Variants in BABAM2 observed in about 807,000 individuals in gnomAD.
The protein encoded by BABAM2 is BRISC and BRCA1-A complex member 2.
A neutral mutation model predicts 54.7 loss-of-function variants in BABAM2; 31 were observed. The ratio of observed to expected loss-of-function variants is 0.57; its 90% CI spans 0.43 to 0.77. BABAM2 has a LOEUF of 0.77. Ranked by LOEUF, BABAM2 falls within the 30% of genes least tolerant of loss-of-function variation. The pLI, the probability that BABAM2 is intolerant of heterozygous loss-of-function variation, is 0.00. For synonymous variants in BABAM2, 167 were observed against 162.9 expected (o/e 1.03, Z -0.19); for missense variants, 364 against 455.8 (o/e 0.80, Z 1.83).
At chr2:27,902,737 T>G (rs1665885211) in intron 2 of BABAM2, among the ~76,000 whole-genome samples, 1 of 152,236 alleles carries the variant, frequency 6.6e-6, no homozygotes. Context: ...TTTTGGATAC[T>G]GATCTTTTGG....
chr2:27,987,471 G>A (rs1424215497), intron 3 of BABAM2, among the ~76,000 whole-genome samples: 3 of 152,058 alleles, frequency 2.0e-5, no homozygotes, highest in African/African-American at 7.3e-5. Flanking sequence ...CATTCACAGT[G>A]TACTTGGAGA....
intron 6 of BABAM2, among the ~76,000 whole-genome samples, chr2:28,071,714 GCTT>G (rs1411871469): frequency 2.0e-5 from 3 of 152,202 alleles, no homozygotes; most frequent in Admixed American, 1.3e-4. Flanking sequence ...CAGGATAAAT[GCTT>G]CTTCTATTTA....
At chr2:28,261,620 G>A (rs1186022749) in intron 10 of BABAM2, among the ~76,000 whole-genome samples, 1 of 152,128 alleles carries the variant, frequency 6.6e-6, no homozygotes, top group Non-Finnish European at 1.5e-5. Context: ...TTACAGGCGT[G>A]AGCCACCGCG....
intron 7 of BABAM2, among the ~76,000 whole-genome samples, chr2:28,143,337 G>C (rs1671225648): frequency 2.0e-5 from 3 of 152,002 alleles, no homozygotes; most frequent in Non-Finnish European, 4.4e-5. Flanking sequence ...GTGGTTACCA[G>C]GGGTGGGGAA....
At chr2:28,330,173 G>T (rs1690826577) in intron 11 of BABAM2, among the ~76,000 whole-genome samples, 1 of 152,204 alleles carries the variant, frequency 6.6e-6, no homozygotes, top group East Asian at 1.9e-4. Flanking sequence ...GGTATTGGTG[G>T]AACATACCTC....
intron 7 of BABAM2, among the ~76,000 whole-genome samples, chr2:28,203,030 G>A (rs1678450925): frequency 6.6e-6 from 1 of 152,238 alleles, no homozygotes; most frequent in South Asian, 2.1e-4. Flanking sequence ...TGTGTGTAGG[G>A]TAAGAATGTG....
chr2:27,929,821 AT>A lies in BABAM2; in HGVS notation c.129-5del. 1 of 1,611,478 alleles carries A rather than the reference AT, an allele frequency of 6.2e-7. No individual in the cohort carries two copies. Among genetic ancestry groups the A allele is most frequent in the African/African-American group, 1.3e-5 (1 of 74,854 alleles). On this transcript the variant is annotated splice_polypyrimidine_tract_variant and intron_variant, in intron 2 of 11. Transcript: ENST00000379624. Reference sequence around the variant, plus strand: ...AATCTTTTCTTTCTTCTGTTTCTGCATTTTTTAAAGCTGCACATCATTGACT... The same window carrying A: ...AATCTTTTCTTTCTTCTGTTTCTGCATTTTTAAAGCTGCACATCATTGACT...
At chr2:28,337,415 C>T (rs1166852826) in intron 11 of BABAM2, among the ~76,000 whole-genome samples, 10 of 152,236 alleles carry the variant, frequency 6.6e-5, no homozygotes, top group Non-Finnish European at 1.2e-4. Context: ...TTCTCCCACA[C>T]GGCGTGATCC....
At chr2:28,134,192 T>G (rs1573652150) in intron 7 of BABAM2, among the ~76,000 whole-genome samples, 6 of 83,384 alleles carry the variant, frequency 7.2e-5, no homozygotes, top group South Asian at 3.9e-4. Context: ...AAAAAGTCAA[T>G]GGTGAGTTAT....
At chr2:28,249,305 T>C (rs1683213481) in intron 10 of BABAM2, among the ~76,000 whole-genome samples, 1 of 152,058 alleles carries the variant, frequency 6.6e-6, no homozygotes, top group Non-Finnish European at 1.5e-5. Flanking sequence ...CCCAGGCTGA[T>C]CTTGAACTCC....
intron 5 of BABAM2, among the ~76,000 whole-genome samples, chr2:28,036,985 A>C (rs1170088048): frequency 6.6e-6 from 1 of 152,232 alleles, no homozygotes; most frequent in Non-Finnish European, 1.5e-5. Context: ...GTATGTGCTC[A>C]GTAAATATTT....
At chr2:28,278,983 G>A (rs1458927436) in intron 10 of BABAM2, among the ~76,000 whole-genome samples, 1 of 152,214 alleles carries the variant, frequency 6.6e-6, no homozygotes, top group African/African-American at 2.4e-5. Flanking sequence ...TCACAGTGAA[G>A]GTGAGCCCGT....
chr2:27,927,544 A>G (rs1238897538), intron 2 of BABAM2, among the ~76,000 whole-genome samples: 1 of 152,200 alleles, frequency 6.6e-6, no homozygotes, highest in African/African-American at 2.4e-5. Flanking sequence ...TAATGCTAGA[A>G]TTTATGTGTT....
intron 11 of BABAM2, among the ~76,000 whole-genome samples, chr2:28,324,981 C>T (rs549281162): frequency 6.6e-6 from 1 of 152,226 alleles, no homozygotes; most frequent in East Asian, 1.9e-4. Flanking sequence ...TTTCCTTATA[C>T]TCATGGCTTC....
At chr2:28,134,452 T>G (rs1443036080) in intron 7 of BABAM2, 1 of 152,248 alleles carries the variant, frequency 6.6e-6, no homozygotes, top group African/African-American at 2.4e-5. Flanking sequence ...ATAGCACTCT[T>G]CCACGAAAGG....
At chr2:28,257,196 T>G (rs929791482) in intron 10 of BABAM2, among the ~76,000 whole-genome samples, 10 of 152,236 alleles carry the variant, frequency 6.6e-5, no homozygotes, top group African/African-American at 2.4e-4. Context: ...TTTTCCCATC[T>G]TTTTTGAGGT....
intron 3 of BABAM2, among the ~76,000 whole-genome samples, chr2:27,979,707 G>T (rs1361647017): frequency 6.6e-6 from 1 of 152,108 alleles, no homozygotes; most frequent in Admixed American, 6.5e-5. Context: ...TTTCTCTAAT[G>T]ATTAGTGATT....
At chr2:27,984,974 T>G (rs1225291802) in intron 3 of BABAM2, among the ~76,000 whole-genome samples, 2 of 152,046 alleles carry the variant, frequency 1.3e-5, no homozygotes, top group Non-Finnish European at 1.5e-5. Context: ...GTTACTTCAC[T>G]TAGAATAATC....
intron 6 of BABAM2, among the ~76,000 whole-genome samples, chr2:28,047,267 T>A (rs558214563): frequency 5.4e-4 from 83 of 152,310 alleles, no homozygotes; most frequent in African/African-American, 2.0e-3. Flanking sequence ...TTAATTTGAT[T>A]TTGGCAATTA....
Sources: allele counts gnomAD v4.1 joint callset (sites outside exome capture counted in the v4.1 genomes callset), GRCh38; gene constraint gnomAD v4.1.1; transcripts MANE v1.5; gene names NCBI Gene and HGNC (gene_info 2026-07-23, HGNC 2026-07-21).